Variants in UNC80 observed in about 807,000 individuals in gnomAD.
The protein encoded by UNC80 is unc-80 subunit of NALCN channel complex, also known as protein unc-80 homolog.
Under a neutral mutation model 384.6 loss-of-function variants are expected in UNC80, and 164 were observed. That is an observed-to-expected ratio of 0.43 (90% CI 0.38 to 0.49). The LOEUF (loss-of-function observed/expected upper bound fraction) is 0.49, where lower values mean the gene tolerates loss of function less well. Among genes scored for constraint, UNC80 ranks in the 20% least tolerant of loss-of-function variants. The pLI is 0.00. For missense variants in UNC80, 3,330 were observed against 4,143.0 expected, an observed-to-expected ratio of 0.80 and a Z score of 5.39; for synonymous variants, 1,486 against 1,527.8, an observed-to-expected ratio of 0.97 and a Z score of 0.64.
intron 7 of UNC80, among the ~76,000 whole-genome samples, chr2:209,804,933 C>G (rs2078798117): frequency 6.6e-6 from 1 of 152,008 alleles, no homozygotes; most frequent in Non-Finnish European, 1.5e-5. Context: ...CTGTGCAACT[C>G]CCACCCTTGG....
intron 21 of UNC80, 38 bp from the exon 22 acceptor site, chr2:209,849,413 C>T (rs1221398956): frequency 4.5e-6 from 7 of 1,546,548 alleles, no homozygotes; most frequent in Non-Finnish European, 4.4e-6. Context: ...TTTACGTTCT[C>T]TCTCTTTCAT....
At chr2:209,967,766 G>A in intron 52 of UNC80, 129 bp downstream of exon 52, 4 of 812,406 alleles carry the variant, frequency 4.9e-6, no homozygotes, top group Non-Finnish European at 7.7e-6. Flanking sequence ...TATGTGCATA[G>A]TTAATAGGGT....
intron 22 of UNC80, among the ~76,000 whole-genome samples, chr2:209,854,225 A>T (rs925896033): frequency 6.6e-6 from 1 of 152,298 alleles, no homozygotes; most frequent in Middle Eastern, 3.4e-3. Flanking sequence ...AATCATAAGA[A>T]AATTAGAAAT....
At chr2:209,906,495 C>T (rs1265439465) in intron 29 of UNC80, among the ~76,000 whole-genome samples, 1 of 152,052 alleles carries the variant, frequency 6.6e-6, no homozygotes, top group Admixed American at 6.5e-5. Flanking sequence ...CCCCATTTTA[C>T]AGGTTTTTCA....
intron 47 of UNC80, 88 bp from the exon 48 acceptor site, chr2:209,954,011 GC>G: frequency 7.3e-7 from 1 of 1,373,778 alleles, no homozygotes; most frequent in Non-Finnish European, 9.7e-7. Context: ...ATCTCTAGAT[GC>G]TTTTCATTGT....
intron 33 of UNC80, 80 bp downstream of exon 33, chr2:209,918,743 C>A: frequency 7.2e-7 from 1 of 1,383,388 alleles, no homozygotes; most frequent in South Asian, 1.8e-5. Context: ...TGTTCATTCT[C>A]ATCATAAGAA....
In UNC80 at chr2:209,935,784, C is replaced by A; in HGVS notation, c.6249C>A (p.Asp2083Glu). 1 of 1,540,524 alleles carries A rather than the reference C, an allele frequency of 6.5e-7. No individual in the cohort carries two copies. The highest frequency in any genetic ancestry group is 2.5e-5 in the East Asian group (1 of 40,052). Reference sequence around the variant, plus strand: ...CAACCCAGTTACCAGTCCATGAAGACACTCAATTTGAAGCCCTGTTGAAGG... The same window carrying A: ...CAACCCAGTTACCAGTCCATGAAGAAACTCAATTTGAAGCCCTGTTGAAGG... ...DIPTQLPVHEDTQFEALLKEC... is the reference protein window; with the variant it reads ...DIPTQLPVHEETQFEALLKEC... The change falls in exon 40 of 65, where the codon GAC becomes GAA. Residue 2083 changes from aspartate to glutamate, a missense_variant. By Grantham distance (45) the Asp-to-Glu change is conservative. Transcript: ENST00000673920.
chr2:209,926,290 A>C (rs1251824355), intron 35 of UNC80, among the ~76,000 whole-genome samples: 2 of 152,236 alleles, frequency 1.3e-5, no homozygotes, highest in African/African-American at 4.8e-5. Context: ...CACTTGTCCC[A>C]GAATGTCTGT....
intron 2 of UNC80, 60 bp downstream of exon 2, chr2:209,773,202 A>G: frequency 6.2e-6 from 9 of 1,442,674 alleles, no homozygotes; most frequent in Non-Finnish European, 8.7e-6. Context: ...TTTGAACCCA[A>G]AGACAGATTT....
At chr2:209,954,320 T>TA in intron 48 of UNC80, 50 bp downstream of exon 48, 12 of 1,328,562 alleles carry the variant, frequency 9.0e-6, no homozygotes, top group Non-Finnish European at 1.1e-5. Context: ...ATGTTTCCAC[T>TA]GAAAAAAAAA....
intron 47 of UNC80, among the ~76,000 whole-genome samples, chr2:209,946,871 C>G (rs187924090): frequency 6.6e-6 from 1 of 152,122 alleles, no homozygotes; most frequent in South Asian, 2.1e-4. Flanking sequence ...TTTCTCTCTC[C>G]CATAAGAGAA....
chr2:209,972,195 G>A lies in UNC80; in HGVS notation c.8257-6G>A. 1.3e-6 allele frequency: 2 copies of A among 1,550,010 alleles called. No individual in the cohort carries two copies. Among genetic ancestry groups the A allele is most frequent in the Middle Eastern group, 1.7e-4 (1 of 5,984 alleles). On this transcript the variant is annotated splice_polypyrimidine_tract_variant and splice_region_variant and intron_variant, in intron 54 of 64. Coordinates refer to ENST00000673920, the MANE Select transcript of UNC80 (RefSeq NM_001371986.1). ...ATTAATCTTTTCTTCTATTATTGCT[G>A]CACAGGCTTTAAAAGAAGATTTTCC...
rs552724653 is a variant in UNC80, at chr2:209,913,696, T to C, written c.4891-106T>C. On this transcript the variant is annotated intron_variant, in intron 30 of 64. Coordinates refer to ENST00000673920, the MANE Select transcript of UNC80 (RefSeq NM_001371986.1). The stretch of plus-strand genomic sequence containing the variant: ...TCCCATTTTAGAAAGCATTTTAAGG[T>C]CACTTAAGGCAAGCAGAGAGAGGGG... 127 of 1,193,208 alleles carry C rather than the reference T, an allele frequency of 1.1e-4. No individual in the cohort carries two copies. In the Admixed American group the frequency reaches 3.5e-3, roughly 33 times the overall value. 73.9% of individuals were successfully genotyped at this position (1,193,208 alleles called of 1,614,324 possible). A position where few individuals can be genotyped will look rare whatever the true frequency, so the allele number is the denominator to read the frequency against.
At position 209,935,752 on chromosome 2, in the gene UNC80, G is replaced by A. The variant is rs2124971867; in HGVS notation, c.6217G>A (p.Asp2073Asn). The A allele has an allele frequency of 1.3e-6, 2 of 1,538,600 alleles. No individual in the cohort carries two copies. The highest frequency in any genetic ancestry group is 1.8e-6 in the Non-Finnish European group (2 of 1,142,118). ...TLVVHGQNEC[D>N]IPTQLPVHED... The stretch of plus-strand genomic sequence containing the variant: ...GGTAGTTCATGGACAGAATGAGTGC[G>A]ATATCCCAACCCAGTTACCAGTCCA... Residue 2073 changes from aspartate (D) to asparagine (N), a missense_variant, in exon 40 of 65, where the codon GAT becomes AAT. This residue lies in a region of UNC80 where 1,049 missense variants were observed against 1,488.6 expected (regional missense o/e 0.70). Coordinates refer to ENST00000673920, the MANE Select transcript of UNC80 (RefSeq NM_001371986.1).
chr2:209,975,097 G>A (rs193213477), intron 56 of UNC80, among the ~76,000 whole-genome samples: 1 of 152,352 alleles, frequency 6.6e-6, no homozygotes, highest in East Asian at 1.9e-4. Flanking sequence ...AAAGGCATAT[G>A]TGACTCTTGA....
chr2:209,965,430 A>G (rs1295451649), intron 51 of UNC80, among the ~76,000 whole-genome samples: 1 of 151,780 alleles, frequency 6.6e-6, no homozygotes, highest in Non-Finnish European at 1.5e-5. Context: ...AGTTAAAAAT[A>G]TACAGATTTC....
At chr2:209,907,718 A>G (rs1439941694) in intron 29 of UNC80, among the ~76,000 whole-genome samples, 3 of 152,176 alleles carry the variant, frequency 2.0e-5, no homozygotes, top group Non-Finnish European at 4.4e-5. Flanking sequence ...ACTTAATTAT[A>G]AGCTTTTTGA....
At chr2:209,834,519 T>C (rs763384508) in intron 17 of UNC80, among the ~76,000 whole-genome samples, 1 of 152,220 alleles carries the variant, frequency 6.6e-6, no homozygotes, top group Non-Finnish European at 1.5e-5. Context: ...ACTGATGCCA[T>C]ATGATCCTGT....
rs139442191 is a variant in UNC80, at chr2:209,942,485, G to A, written c.6916-895G>A. On this transcript the variant is annotated intron_variant, in intron 44 of 64. Transcript: ENST00000673920. ...TAGCAGGAACAATTTTTATTTACTC[G>A]TGTCTAATGTATAGCTGGCTACATT... 4.7e-3 allele frequency among the ~76,000 whole-genome samples: 715 copies of A among 152,236 alleles called. 8 individuals are homozygous for A. Among genetic ancestry groups the A allele is most frequent in the African/African-American group, 0.016 (667 of 41,534 alleles).
Sources: gnomAD v4.1 joint callset for allele counts (sites outside exome capture counted in the v4.1 genomes callset) on GRCh38, gnomAD v4.1.1 for gene constraint, gnomAD v4.1.1 regional missense constraint, MANE v1.5 for transcripts, NCBI Gene and HGNC (gene_info 2026-07-23, HGNC 2026-07-21) for gene names.